Variants in SPIRE1 observed in about 807,000 individuals in gnomAD.
SPIRE1 encodes protein spire homolog 1.
In SPIRE1, 40 loss-of-function variants were observed where a neutral mutation model predicts 94.1. The observed-to-expected ratio is 0.43, with a 90% CI of 0.33 to 0.55. The LOEUF (loss-of-function observed/expected upper bound fraction) is 0.55, where lower values mean the gene tolerates loss of function less well. Among genes scored for constraint, SPIRE1 ranks in the 20% least tolerant of loss-of-function variants. The pLI, the probability that SPIRE1 is intolerant of heterozygous loss-of-function variation, is 0.06. For missense variants in SPIRE1, 838 were observed against 975.2 expected (o/e 0.86, Z 1.87); for synonymous variants, 376 against 371.7 (o/e 1.01, Z -0.13).
chr18:12,557,117 G>A (rs1208380420), intron 2 of SPIRE1, among the ~76,000 whole-genome samples: 1 of 152,238 alleles, frequency 6.6e-6, no homozygotes, highest in Non-Finnish European at 1.5e-5. Context: ...TGCGGGTGGA[G>A]CTGCCCACCA....
intron 2 of SPIRE1, among the ~76,000 whole-genome samples, chr18:12,585,141 A>G (rs1026345774): frequency 6.6e-6 from 1 of 152,156 alleles, no homozygotes; most frequent in African/African-American, 2.4e-5. Context: ...CCTCCCAAAA[A>G]AACTTACAAA....
chr18:12,491,741 C>T (rs550154100), intron 8 of SPIRE1, among the ~76,000 whole-genome samples: 36 of 152,236 alleles, frequency 2.4e-4, no homozygotes, highest in African/African-American at 8.4e-4. Context: ...GGTCACACAA[C>T]AGAAGGGTCA....
chr18:12,532,503 T>C (rs2034713043), intron 4 of SPIRE1, among the ~76,000 whole-genome samples: 1 of 152,222 alleles, frequency 6.6e-6, no homozygotes. Flanking sequence ...TAAGGTAGTT[T>C]GAAAAATTGT....
chr18:12,535,675 A>C, intron 3 of SPIRE1, 74 bp from the exon 4 acceptor site: 1 of 1,401,808 alleles, frequency 7.1e-7, no homozygotes, highest in Admixed American at 1.8e-5. Flanking sequence ...AACAGACACG[A>C]GCAGAGTGCA....
At chr18:12,643,834 T>C (rs775327162) in intron 1 of SPIRE1, among the ~76,000 whole-genome samples, 2 of 152,112 alleles carry the variant, frequency 1.3e-5, no homozygotes, top group Non-Finnish European at 2.9e-5. Context: ...ACATTTTTAT[T>C]ATACTTATGA....
intron 2 of SPIRE1, among the ~76,000 whole-genome samples, chr18:12,613,671 G>A (rs182437050): frequency 2.6e-3 from 390 of 152,292 alleles, no homozygotes; most frequent in Non-Finnish European, 4.8e-3. Flanking sequence ...AGGCCAAGGT[G>A]GGAGGATCAC....
At chr18:12,612,536 G>A (rs1202569473) in intron 2 of SPIRE1, among the ~76,000 whole-genome samples, 1 of 152,172 alleles carries the variant, frequency 6.6e-6, no homozygotes, top group East Asian at 1.9e-4. Flanking sequence ...TAATCAAACT[G>A]TGGTCCCAGG....
chr18:12,594,482 G>T (rs1008362827), intron 2 of SPIRE1, among the ~76,000 whole-genome samples: 1 of 152,138 alleles, frequency 6.6e-6, no homozygotes, highest in African/African-American at 2.4e-5. Flanking sequence ...TACTAAGCTA[G>T]GTAGTTGAAA....
At chr18:12,552,833 C>T (rs544961190) in intron 2 of SPIRE1, among the ~76,000 whole-genome samples, 29 of 152,070 alleles carry the variant, frequency 1.9e-4, no homozygotes, top group Non-Finnish European at 3.7e-4. Flanking sequence ...GCCAATGCTC[C>T]CAGCCAAATA....
intron 10 of SPIRE1, among the ~76,000 whole-genome samples, chr18:12,477,827 G>A (rs895846965): frequency 1.3e-5 from 2 of 152,172 alleles, no homozygotes; most frequent in South Asian, 2.1e-4. Context: ...GTGAACGGCT[G>A]TGCGTGGCTG....
chr18:12,460,747 C>A (rs1471280894), intron 12 of SPIRE1, among the ~76,000 whole-genome samples: 1 of 151,926 alleles, frequency 6.6e-6, no homozygotes, highest in Non-Finnish European at 1.5e-5. Flanking sequence ...TAAAAACATT[C>A]CTGCCATTTT....
At position 12,448,484 on chromosome 18, in the gene SPIRE1, C is replaced by G. The variant is rs1004874641; in HGVS notation, c.*1154G>C. On this transcript the variant is annotated 3_prime_UTR_variant, in exon 17 of 17. Coordinates refer to ENST00000409402, the MANE Select transcript of SPIRE1 (RefSeq NM_001128626.2). This position sits in a 1 kb window ranked among gnomAD's most constrained non-coding sequence, Gnocchi z 4.4. ...ACTGAGACATTTGAGGCATACAATG[C>G]TACCCTCCAGTCTACTTTCGTCAGA... The G allele has an allele frequency of 6.6e-6, 1 of 152,290 alleles. No homozygotes were observed. The highest frequency in any genetic ancestry group is 2.4e-5 in the African/African-American group (1 of 41,436). The allele number at this position is 152,290 out of a possible 1,614,324, so 9.4% of individuals were successfully genotyped here.
chr18:12,640,585 C>T (rs1280741004), intron 1 of SPIRE1, among the ~76,000 whole-genome samples: 4 of 152,140 alleles, frequency 2.6e-5, no homozygotes, highest in African/African-American at 7.2e-5. Context: ...AAACAGAACT[C>T]GTGATAAATG....
chr18:12,449,680 G>A lies in SPIRE1; in HGVS notation c.2229C>T (p.Pro743=). The A allele has an allele frequency of 6.2e-7, 1 of 1,614,188 alleles. No individual in the cohort carries two copies. Among genetic ancestry groups the A allele is most frequent in the Non-Finnish European group, 8.5e-7 (1 of 1,180,028 alleles). Residue 743 remains proline (P), a synonymous_variant, in exon 17 of 17, where the codon CCC becomes CCT. Coordinates refer to ENST00000409402, the MANE Select transcript of SPIRE1 (RefSeq NM_001128626.2). ...TCCTCTCTGAAGGGCAGTACTCCGA[G>A]GGGCCTGGCGAGGACATGTAGAAAG... ...TQSFYMSSPG[P]SEYCPSERTI... is the part of the protein sequence containing the mutation.
Position 12,452,372 on chromosome 18 carries a change from G to A in SPIRE1, c.1895C>T (p.Pro632Leu). The A allele has an allele frequency of 1.2e-6, 2 of 1,614,140 alleles. No homozygotes were observed. The highest frequency in any genetic ancestry group is 8.5e-7 in the Non-Finnish European group (1 of 1,180,030). Residue 632 changes from proline to leucine, a missense_variant, in exon 16 of 17, where the codon CCA becomes CTA. This residue lies in a region of SPIRE1 where 645 missense variants were observed against 804.7 expected (regional missense o/e 0.80). Transcript: ENST00000409402. The part of the protein sequence containing the change: ...CCKKMRLPSK[P>L]YSTLPIFSLG... ...TGAAAAGATAGGAAGAGTGGAGTAT[G>A]GTTTGGAGGGCAGCCGCATCTATTA...
At chr18:12,456,091 A>G (rs949050819) in intron 12 of SPIRE1, among the ~76,000 whole-genome samples, 1 of 152,252 alleles carries the variant, frequency 6.6e-6, no homozygotes, top group African/African-American at 2.4e-5. Flanking sequence ...TAACATGAGA[A>G]GCTTATTAGT....
chr18:12,606,497 A>G (rs900613865), intron 2 of SPIRE1, among the ~76,000 whole-genome samples: 1 of 152,050 alleles, frequency 6.6e-6, no homozygotes, highest in Non-Finnish European at 1.5e-5. Context: ...TCACTTTCCT[A>G]AAACCAGTAA....
intron 2 of SPIRE1, among the ~76,000 whole-genome samples, chr18:12,551,219 C>T (rs1036804391): frequency 4.6e-5 from 7 of 151,986 alleles, no homozygotes; most frequent in African/African-American, 1.7e-4. Context: ...TTTTGTTCAC[C>T]ATTGTGAACA....
chr18:12,593,546 T>G (rs2036588818), intron 2 of SPIRE1, among the ~76,000 whole-genome samples: 1 of 152,216 alleles, frequency 6.6e-6, no homozygotes, highest in Admixed American at 6.5e-5. Context: ...GAATATTTAC[T>G]AAATTCCCGC....
Sources: allele counts gnomAD v4.1 joint callset (sites outside exome capture counted in the v4.1 genomes callset), GRCh38; gene constraint gnomAD v4.1.1; regional missense constraint gnomAD v4.1.1; non-coding constraint Gnocchi (gnomAD v3.1); transcripts MANE v1.5; gene names NCBI Gene and HGNC (gene_info 2026-07-23, HGNC 2026-07-21).